Variants in MSN observed in about 807,000 individuals in gnomAD.
The protein encoded by MSN is epididymis luminal protein 70.
MSN carries 2 observed loss-of-function variants against 48.0 expected under a neutral mutation model. That is an observed-to-expected ratio of 0.04 (90% CI 0.02 to 0.13). MSN has a LOEUF of 0.13. Ranked by LOEUF, MSN falls within the 10% of genes least tolerant of loss-of-function variation. MSN has a pLI of 1.00. For synonymous variants in MSN, 146 were observed against 166.9 expected (o/e 0.87, Z 0.97); for missense variants, 267 against 470.1 (o/e 0.57, Z 3.99).
chrX:65,590,805 G>T (rs1465565213), intron 1 of MSN, among the ~76,000 whole-genome samples: 1 of 110,562 alleles, frequency 9.0e-6, no homozygotes, highest in Admixed American at 9.7e-5. Context: ...GGGATGGGGG[G>T]TGGGGGAAAA....
Position 65,740,343 on chromosome X carries a change from C to T in MSN, c.*450C>T, listed in dbSNP as rs2071724022. On this transcript the variant is annotated 3_prime_UTR_variant, in exon 13 of 13. Transcript: ENST00000360270. ...ATGCGGTCTAGGGAATGAGACAGGACCTAGGATATCTTCTCCAGGATGTCA... is the reference window on the plus strand; with the variant it reads ...ATGCGGTCTAGGGAATGAGACAGGATCTAGGATATCTTCTCCAGGATGTCA... 1 of 179,214 alleles carries T rather than the reference C, an allele frequency of 5.6e-6. No individual in the cohort carries two copies. Among genetic ancestry groups the T allele is most frequent in the Non-Finnish European group, 1.1e-5 (1 of 94,278 alleles). 14.8% of individuals were successfully genotyped at this position (179,214 alleles called of 1,213,427 possible).
intron 1 of MSN, among the ~76,000 whole-genome samples, chrX:65,624,172 G>A (rs374363641): frequency 4.6e-5 from 5 of 109,515 alleles, no homozygotes; most frequent in African/African-American, 1.0e-4. Context: ...TCCGCCTCCC[G>A]GGCTCAAGTG....
chrX:65,734,595 C>T (rs1275102829), intron 7 of MSN, among the ~76,000 whole-genome samples: 1 of 111,870 alleles, frequency 8.9e-6, no homozygotes, highest in Non-Finnish European at 1.9e-5. Flanking sequence ...TAGTAACAAA[C>T]TCAAACTCAC....
At chrX:65,723,783 C>A (rs2071539609) in intron 2 of MSN, among the ~76,000 whole-genome samples, 1 of 111,499 alleles carries the variant, frequency 9.0e-6, no homozygotes, top group Non-Finnish European at 1.9e-5. Flanking sequence ...AGCCTGGGGT[C>A]AGGAGTCATC....
Position 65,638,194 on chromosome X carries a change from C to G in MSN, c.-22+49582C>G, listed in dbSNP as rs147655901. On this transcript the variant is annotated intron_variant, in intron 1 of 3. Transcript: ENST00000609672. ...TTTGCTTGCCCTTTCTTTGGTAGAA[C>G]AGTATTTTGTACTTGATGTGTGCTG... 7.4e-3 allele frequency among the ~76,000 whole-genome samples: 829 copies of G among 112,597 alleles called. 8 individuals are homozygous for G. The highest frequency in any genetic ancestry group is 0.026 in the African/African-American group (799 of 31,042).
intron 1 of MSN, among the ~76,000 whole-genome samples, chrX:65,706,909 G>T (rs2071367384): frequency 9.0e-6 from 1 of 111,697 alleles, no homozygotes. Flanking sequence ...CATGCTCCAG[G>T]CAAGTTACTT....
rs1324859706 is a variant in MSN at position 65,731,824 on chromosome X, T to A, written c.552-14T>A. The A allele has an allele frequency of 8.3e-7, 1 of 1,205,171 alleles. No individual in the cohort carries two copies. Among genetic ancestry groups the A allele is most frequent in the Non-Finnish European group, 1.1e-6 (1 of 892,537 alleles). ...CAAGCCCCACTTTGTGACCCCCAAC[T>A]CTGTGTCATTTAGGGAGGATGCTGT... On this transcript the variant is annotated splice_polypyrimidine_tract_variant and intron_variant, in intron 5 of 12. Transcript: ENST00000360270.
chrX:65,690,326 C>T, intron 1 of MSN, among the ~76,000 whole-genome samples: 1 of 111,594 alleles, frequency 9.0e-6, no homozygotes. Flanking sequence ...ATGCTTTTTC[C>T]AGGGCTCTTT....
At chrX:65,697,037 A>G (rs1224630077) in intron 1 of MSN, among the ~76,000 whole-genome samples, 2 of 111,492 alleles carry the variant, frequency 1.8e-5, no homozygotes, top group Admixed American at 1.9e-4. Context: ...CACTTGCAGC[A>G]GGTTATGAGG....
intron 1 of MSN, among the ~76,000 whole-genome samples, chrX:65,602,882 A>G (rs1052574012): frequency 8.9e-6 from 1 of 111,768 alleles, no homozygotes; most frequent in Non-Finnish European, 1.9e-5. Flanking sequence ...CATCTGAAAC[A>G]GGCTCCTTTC....
At chrX:65,686,282 A>G (rs1212391982) in intron 1 of MSN, among the ~76,000 whole-genome samples, 3 of 112,838 alleles carry the variant, frequency 2.7e-5, no homozygotes, top group Non-Finnish European at 5.6e-5. Context: ...CTGCCCACTC[A>G]TGGCAGGCCC....
chrX:65,722,815 G>C (rs1425650431), intron 2 of MSN, among the ~76,000 whole-genome samples: 4 of 110,381 alleles, frequency 3.6e-5, no homozygotes, highest in Non-Finnish European at 5.7e-5. Context: ...GGCTTTTGAA[G>C]TGGCTGATGA....
chrX:65,593,407 TAAAATATCCTTC>T (rs2070163833), intron 1 of MSN: 1 of 112,486 alleles, frequency 8.9e-6, no homozygotes, highest in Admixed American at 9.4e-5. Flanking sequence ...AACTTTTAAA[TAAAATATCCTTC>T]AAAATATCCT....
chrX:65,734,310 G>T (rs1293692745), intron 7 of MSN, among the ~76,000 whole-genome samples: 4 of 111,558 alleles, frequency 3.6e-5, no homozygotes, highest in Non-Finnish European at 7.5e-5. Context: ...CAGCCATGAG[G>T]TGCCTGAACT....
chrX:65,648,598 C>T (rs1219740291), intron 1 of MSN, among the ~76,000 whole-genome samples: 3 of 109,523 alleles, frequency 2.7e-5, no homozygotes, highest in South Asian at 3.8e-4. Context: ...GAGGACTGGA[C>T]GTGGTGGCCC....
At chrX:65,664,619 C>G (rs749323470), upstream of MSN, among the ~76,000 whole-genome samples, 1 of 109,434 alleles carries the variant, frequency 9.1e-6, no homozygotes, top group East Asian at 2.9e-4. Flanking sequence ...AGTTTATGCT[C>G]TCTCTCTATT....
chrX:65,739,534 A>T (rs1053214114), intron 12 of MSN, among the ~76,000 whole-genome samples, 195 bp from the exon 13 acceptor site: 7 of 110,784 alleles, frequency 6.3e-5, no homozygotes, highest in African/African-American at 2.3e-4. Flanking sequence ...TGGTCCCCTA[A>T]GTTTATTTAT....
intron 1 of MSN, among the ~76,000 whole-genome samples, chrX:65,713,756 T>G (rs2071435708): frequency 8.9e-6 from 1 of 111,896 alleles, no homozygotes; most frequent in Non-Finnish European, 1.9e-5. Context: ...TATTAAAATA[T>G]TTTTTCCTGA....
chrX:65,731,864 A>G lies in MSN; in HGVS notation c.578A>G (p.Lys193Arg). The G allele has an allele frequency of 8.3e-7, 1 of 1,209,766 alleles. No individual in the cohort carries two copies. The highest frequency in any genetic ancestry group is 1.1e-6 in the Non-Finnish European group (1 of 894,844). The change falls in exon 6 of 13, where the codon AAG (lysine) becomes AGG (arginine). Residue 193 changes from lysine (K) to arginine (R), a missense_variant. Transcript: ENST00000360270. ...GAGGATGCTGTCCTGGAATATCTGA[A>G]GATTGCTCAAGATCTGGAGATGTAT... ...LREDAVLEYL[K>R]IAQDLEMYGV...
Sources: allele counts gnomAD v4.1 joint callset (sites outside exome capture counted in the v4.1 genomes callset), GRCh38; gene constraint gnomAD v4.1.1; transcripts MANE v1.5; gene names NCBI Gene and HGNC (gene_info 2026-07-23, HGNC 2026-07-21).